FHIT: variants seen among roughly 807,000 people sequenced by gnomAD.
FHIT encodes fragile histidine triad diadenosine triphosphatase.
FHIT carries 19 observed loss-of-function variants against 17.9 expected under a neutral mutation model. That is an observed-to-expected ratio of 1.06 (90% CI 0.74 to 1.56). FHIT has a LOEUF of 1.56. FHIT is among the 40% of genes most tolerant of loss of function. The pLI, the probability that FHIT is intolerant of heterozygous loss-of-function variation, is 0.00. For synonymous variants in FHIT, 81 were observed against 69.7 expected (o/e 1.16, Z -0.81); for missense variants, 248 against 189.2 (o/e 1.31, Z -1.82).
intron 3 of FHIT, among the ~76,000 whole-genome samples, chr3:60,832,962 T>C (rs1553742983): frequency 1.3e-5 from 2 of 152,210 alleles, no homozygotes; most frequent in African/African-American, 2.4e-5. Flanking sequence ...ATGTTGCTAG[T>C]GGCTACCATA....
intron 5 of FHIT, among the ~76,000 whole-genome samples, chr3:60,531,050 C>G (rs2035759471): frequency 6.6e-6 from 1 of 152,044 alleles, no homozygotes; most frequent in Admixed American, 6.6e-5. Context: ...GAAATGTGAC[C>G]ACAAGAAAAC....
chr3:59,864,359 T>C (rs1345764538), intron 8 of FHIT, among the ~76,000 whole-genome samples: 2 of 152,098 alleles, frequency 1.3e-5, no homozygotes, highest in Middle Eastern at 3.2e-3. Flanking sequence ...TTCTTCCTGA[T>C]TTTCTCTTGC....
intron 4 of FHIT, among the ~76,000 whole-genome samples, chr3:60,577,613 G>A (rs1381498961): frequency 6.6e-6 from 1 of 152,148 alleles, no homozygotes; most frequent in Non-Finnish European, 1.5e-5. Flanking sequence ...GTTCACCTCA[G>A]GGTATTCTTA....
chr3:60,424,747 T>C (rs546072484), intron 5 of FHIT, among the ~76,000 whole-genome samples: 5 of 152,242 alleles, frequency 3.3e-5, no homozygotes, highest in African/African-American at 9.6e-5. Context: ...AAGAAGAACA[T>C]AGAAGAGCAA....
chr3:60,161,811 G>A (rs1305024360), intron 5 of FHIT, among the ~76,000 whole-genome samples: 1 of 152,156 alleles, frequency 6.6e-6, no homozygotes, highest in Non-Finnish European at 1.5e-5. Flanking sequence ...ACAAAGAGGG[G>A]CACCTGGGAA....
intron 8 of FHIT, among the ~76,000 whole-genome samples, chr3:59,852,147 C>G (rs1701966790): frequency 1.3e-5 from 2 of 152,308 alleles, no homozygotes; most frequent in South Asian, 4.1e-4. Context: ...CAGCCACATT[C>G]CATCTCCTTA....
intron 5 of FHIT, among the ~76,000 whole-genome samples, chr3:60,048,993 T>C (rs1701766431): frequency 6.6e-6 from 1 of 152,170 alleles, no homozygotes; most frequent in Non-Finnish European, 1.5e-5. Context: ...GCAAGCTCCT[T>C]AACCCACAGC....
At chr3:60,411,512 C>T (rs932942042) in intron 5 of FHIT, among the ~76,000 whole-genome samples, 13 of 152,106 alleles carry the variant, frequency 8.5e-5, no homozygotes, top group African/African-American at 2.9e-4. Flanking sequence ...ACAGCCACAG[C>T]TAATTACTAT....
chr3:60,493,173 G>A (rs1334767568), intron 5 of FHIT, among the ~76,000 whole-genome samples: 1 of 152,092 alleles, frequency 6.6e-6, no homozygotes, highest in African/African-American at 2.4e-5. Flanking sequence ...GTATTTTTGG[G>A]TAAAGGGCAC....
chr3:60,848,814 AT>A (rs1304606707), intron 3 of FHIT, among the ~76,000 whole-genome samples: 1 of 151,926 alleles, frequency 6.6e-6, no homozygotes, highest in African/African-American at 2.4e-5. Flanking sequence ...TATATAATGG[AT>A]TTTTTTTCCA....
chr3:60,300,628 A>G (rs1475564286), intron 5 of FHIT, among the ~76,000 whole-genome samples: 2 of 152,102 alleles, frequency 1.3e-5, no homozygotes, highest in Non-Finnish European at 2.9e-5. Context: ...TTCAGTCAAG[A>G]TATAAATAAA....
intron 5 of FHIT, among the ~76,000 whole-genome samples, chr3:60,100,624 T>C (rs1402670993): frequency 6.6e-6 from 1 of 152,104 alleles, no homozygotes; most frequent in African/African-American, 2.4e-5. Flanking sequence ...TGGTCTTGTA[T>C]CAAAAACACC....
chr3:60,299,819 C>T lies in FHIT; in HGVS notation c.103+237041G>A, dbSNP rs189050054. Reference sequence around the variant, plus strand: ...ATAGTAGTTTTGGCTCCCACTTGGCCTTTGCTGTTGGAGGTAGGAGTAGGT... The same window carrying T: ...ATAGTAGTTTTGGCTCCCACTTGGCTTTTGCTGTTGGAGGTAGGAGTAGGT... On this transcript the variant is annotated intron_variant, in intron 5 of 9. Coordinates refer to ENST00000492590, the MANE Select transcript of FHIT (RefSeq NM_002012.4). Among the ~76,000 whole-genome samples, 35 of 152,174 alleles carry T rather than the reference C, an allele frequency of 2.3e-4. No homozygotes were observed. The East Asian group carries it at 6.6e-3, about 29-fold the overall frequency.
chr3:60,699,857 A>G (rs1553701628), intron 4 of FHIT, among the ~76,000 whole-genome samples: 1 of 152,060 alleles, frequency 6.6e-6, no homozygotes. Context: ...AAAAATGCAC[A>G]CATACGCCAG....
intron 4 of FHIT, among the ~76,000 whole-genome samples, chr3:60,569,730 T>TATATATATATATATATATATATAC (rs1559547462): frequency 7.9e-4 from 12 of 15,258 alleles, no homozygotes; most frequent in African/African-American, 2.9e-3. Context: ...TAATACTATA[T>TATATATATATATATATATATATAC]ATATATATAT....
At chr3:60,957,299 G>A (rs141371755) in intron 3 of FHIT, among the ~76,000 whole-genome samples, 3,657 of 142,490 alleles carry the variant, frequency 0.026, 56 homozygotes, top group South Asian at 0.069. Flanking sequence ...GTGCAGTGGC[G>A]CGATCTCAGC....
Position 60,121,709 on chromosome 3 carries a change from A to AAACAAAAACACACACACACACAC in FHIT, c.104-107558_104-107557insGTGTGTGTGTGTGTGTTTTTGTT, listed in dbSNP as rs1553690214. Among the ~76,000 whole-genome samples, 16 of 116,416 alleles carry AAACAAAAACACACACACACACAC rather than the reference A, an allele frequency of 1.4e-4. No individual in the cohort carries two copies. The South Asian group carries it at 4.2e-3, about 31-fold the overall frequency. The allele number at this position is 116,416 out of a possible 152,430, so 76.4% of individuals were successfully genotyped here. ...AAAAAACAAACAAACAAACAAAACAAACACACACACACACACACACACACA... is the reference window on the plus strand; with the variant it reads ...AAAAAACAAACAAACAAACAAAACAAAACAAAAACACACACACACACACACACACACACACACACACACACACA... On this transcript the variant is annotated intron_variant, in intron 5 of 9. Coordinates refer to ENST00000492590, the MANE Select transcript of FHIT (RefSeq NM_002012.4).
intron 2 of FHIT, among the ~76,000 whole-genome samples, chr3:61,050,857 G>A (rs1462292231): frequency 6.6e-6 from 1 of 152,192 alleles, no homozygotes; most frequent in Non-Finnish European, 1.5e-5. Context: ...GGGAGAAACT[G>A]GGCAGATCAC....
At chr3:61,090,318 C>T (rs1386662755) in intron 2 of FHIT, among the ~76,000 whole-genome samples, 1 of 152,106 alleles carries the variant, frequency 6.6e-6, no homozygotes, top group African/African-American at 2.4e-5. Flanking sequence ...ATGTTTATGA[C>T]CAAGGATTGT....
Sources: gnomAD v4.1 joint callset for allele counts (sites outside exome capture counted in the v4.1 genomes callset) on GRCh38, gnomAD v4.1.1 for gene constraint, MANE v1.5 for transcripts, NCBI Gene and HGNC (gene_info 2026-07-23, HGNC 2026-07-21) for gene names.